CALCR: variants seen among roughly 807,000 people sequenced by gnomAD.
CALCR encodes calcitonin receptor.
A neutral mutation model predicts 59.5 loss-of-function variants in CALCR; 47 were observed. The ratio of observed to expected loss-of-function variants is 0.79; its 90% CI spans 0.63 to 1.01. The LOEUF is 1.01. Among genes scored for constraint, CALCR ranks in the 50% least tolerant of loss-of-function variants. The pLI is 0.00. For missense variants in CALCR, 566 were observed against 597.1 expected, an observed-to-expected ratio of 0.95 and a Z score of 0.54; for synonymous variants, 213 against 211.3, an observed-to-expected ratio of 1.01 and a Z score of -0.07.
intron 2 of CALCR, among the ~76,000 whole-genome samples, chr7:93,521,173 T>C (rs1056496713): frequency 2.0e-5 from 3 of 152,130 alleles, no homozygotes; most frequent in Non-Finnish European, 4.4e-5. Flanking sequence ...GGACTATAAG[T>C]TCTAGTACCT....
At chr7:93,469,864 C>T (rs1800517028) in intron 6 of CALCR, among the ~76,000 whole-genome samples, 1 of 151,660 alleles carries the variant, frequency 6.6e-6, no homozygotes, top group Admixed American at 6.6e-5. Flanking sequence ...CTTTGAATTC[C>T]TGGAATAAAT....
chr7:93,505,214 C>T (rs572619108), intron 2 of CALCR, among the ~76,000 whole-genome samples: 2 of 151,874 alleles, frequency 1.3e-5, no homozygotes, highest in Middle Eastern at 3.4e-3. Flanking sequence ...TTGCAGAACT[C>T]CCCCCCAAAA....
intron 2 of CALCR, among the ~76,000 whole-genome samples, chr7:93,538,782 T>C (rs1237776029): frequency 2.6e-5 from 4 of 152,072 alleles, no homozygotes; most frequent in African/African-American, 4.8e-5. Context: ...CCCTCTGGAA[T>C]AAAGGTTGTC....
rs3068441 is a variant in CALCR, at chr7:93,569,935, GACACAC to G, written c.-27+4348_-27+4353del. 3.2e-3 allele frequency among the ~76,000 whole-genome samples: 462 copies of G among 144,116 alleles called. 1 individual carries two copies. Among genetic ancestry groups the G allele is most frequent in the African/African-American group, 0.011 (441 of 38,814 alleles). The allele number at this position is 144,116 out of a possible 152,430, so 94.5% of individuals were successfully genotyped here. ...TACAATGGAACCATTGATGTAAAGGGACACACACACACACACACACACACACACACA... is the reference window on the plus strand; with the variant it reads ...TACAATGGAACCATTGATGTAAAGGGACACACACACACACACACACACACA... On this transcript the variant is annotated intron_variant, in intron 2 of 13. Coordinates refer to ENST00000426151, the MANE Select transcript of CALCR (RefSeq NM_001742.4).
intron 2 of CALCR, among the ~76,000 whole-genome samples, chr7:93,507,731 C>A (rs1441662620): frequency 3.4e-5 from 5 of 148,114 alleles, no homozygotes; most frequent in African/African-American, 7.5e-5. Flanking sequence ...CATGGTGAAA[C>A]CCCGTCTCTA....
rs1227945929 is a variant in CALCR at position 93,443,646 on chromosome 7, T to C, written c.760A>G (p.Thr254Ala). 1 of 1,613,458 alleles carries C rather than the reference T, an allele frequency of 6.2e-7. No homozygotes were observed. Among genetic ancestry groups the C allele is most frequent in the Non-Finnish European group, 8.5e-7 (1 of 1,179,584 alleles). The change falls in exon 9 of 14, where the codon ACT (threonine) becomes GCT (alanine). Residue 254 changes from threonine to alanine, a missense_variant. By Grantham distance (58) the Thr-to-Ala change is moderately conservative (BLOSUM62 0). Transcript: ENST00000426151. The stretch of plus-strand genomic sequence containing the variant: ...TACCACCGCAAGCGTTGCTTCTCAG[T>C]AAACACAGCCACGACAATGAGTGTA... ...LHTLIVVAVF[T>A]EKQRLRWYYL...
chr7:93,495,919 C>T (rs143913829), intron 2 of CALCR: 2 of 1,529,476 alleles, frequency 1.3e-6, no homozygotes, highest in East Asian at 2.5e-5. Flanking sequence ...ATCTTCTCTC[C>T]AGAAAATTGC....
intron 8 of CALCR, among the ~76,000 whole-genome samples, chr7:93,446,238 A>G (rs1385335206): frequency 1.3e-5 from 2 of 152,046 alleles, no homozygotes; most frequent in Non-Finnish European, 2.9e-5. Flanking sequence ...TTTAAAAATC[A>G]CCAGTCTATT....
intron 8 of CALCR, among the ~76,000 whole-genome samples, chr7:93,445,295 C>T (rs926182928): frequency 6.6e-6 from 1 of 152,020 alleles, no homozygotes; most frequent in South Asian, 2.1e-4. Context: ...TTACATAACA[C>T]CCAAGTATAT....
intron 2 of CALCR, among the ~76,000 whole-genome samples, chr7:93,565,163 A>G (rs1434486869): frequency 6.6e-6 from 1 of 152,224 alleles, no homozygotes; most frequent in Non-Finnish European, 1.5e-5. Flanking sequence ...AGAGCACTAG[A>G]TGTGGAGTCA....
intron 2 of CALCR, among the ~76,000 whole-genome samples, chr7:93,549,184 G>A (rs546915167): frequency 1.5e-4 from 23 of 152,216 alleles, no homozygotes; most frequent in African/African-American, 5.1e-4. Flanking sequence ...TTACAGTGGA[G>A]GGGTTGGATA....
At chr7:93,465,829 G>A (rs1488440770) in intron 7 of CALCR, among the ~76,000 whole-genome samples, 1 of 151,856 alleles carries the variant, frequency 6.6e-6, no homozygotes, top group African/African-American at 2.4e-5. Flanking sequence ...TTAAAGGCAT[G>A]CTTTAATAAA....
At chr7:93,469,341 C>G (rs17787723) in intron 6 of CALCR, among the ~76,000 whole-genome samples, 1 of 147,376 alleles carries the variant, frequency 6.8e-6, no homozygotes, top group Non-Finnish European at 1.5e-5. Context: ...TTTTTTTTCA[C>G]GATCATGGTT....
chr7:93,536,913 T>C (rs147198373), intron 2 of CALCR, among the ~76,000 whole-genome samples: 1 of 151,960 alleles, frequency 6.6e-6, no homozygotes, highest in East Asian at 1.9e-4. Flanking sequence ...AGAATATGCT[T>C]GTTCTTAGAA....
rs537854332 is a variant in CALCR, at chr7:93,553,117, T to G, written c.-27+21172A>C. Reference sequence around the variant, plus strand: ...TTCAAATAAAATGACTTTTATCCAATTATGGGTTATTTTAAAAATCTGCTA... The same window carrying G: ...TTCAAATAAAATGACTTTTATCCAAGTATGGGTTATTTTAAAAATCTGCTA... On this transcript the variant is annotated intron_variant, in intron 2 of 13. Transcript: ENST00000426151. 2.6e-5 allele frequency among the ~76,000 whole-genome samples: 4 copies of G among 152,334 alleles called. No homozygotes were observed. In the East Asian group the frequency reaches 5.8e-4, roughly 22 times the overall value.
chr7:93,544,982 C>T (rs1438726073), intron 2 of CALCR, among the ~76,000 whole-genome samples: 2 of 152,060 alleles, frequency 1.3e-5, no homozygotes, highest in East Asian at 1.9e-4. Context: ...AGCTGTCTCA[C>T]GCTTTCCCCA....
intron 2 of CALCR, among the ~76,000 whole-genome samples, chr7:93,543,729 T>G (rs1237747805): frequency 6.6e-6 from 1 of 152,180 alleles, no homozygotes; most frequent in African/African-American, 2.4e-5. Context: ...GTAACTAGTT[T>G]TTTTGGCTAA....
At chr7:93,571,372 TA>T (rs969784074) in intron 2 of CALCR, among the ~76,000 whole-genome samples, 8 of 152,222 alleles carry the variant, frequency 5.3e-5, no homozygotes, top group African/African-American at 1.9e-4. Flanking sequence ...CATATAACAA[TA>T]AAAATTTTTT....
At chr7:93,432,768 A>G (rs1663634171) in intron 13 of CALCR, among the ~76,000 whole-genome samples, 1 of 152,134 alleles carries the variant, frequency 6.6e-6, no homozygotes, top group Admixed American at 6.5e-5. Flanking sequence ...CTCTATTTTG[A>G]TATTATTTTA....
Sources: allele counts gnomAD v4.1 joint callset (sites outside exome capture counted in the v4.1 genomes callset), GRCh38; gene constraint gnomAD v4.1.1; transcripts MANE v1.5; gene names NCBI Gene and HGNC (gene_info 2026-07-23, HGNC 2026-07-21).